The following SARAF variants were observed in gnomAD, a reference collection of about 807,000 sequenced individuals.
SARAF encodes store-operated calcium entry associated regulatory factor.
SARAF carries 23 observed loss-of-function variants against 39.7 expected under a neutral mutation model. The observed-to-expected ratio is 0.58, with a 90% CI of 0.42 to 0.82. The LOEUF is 0.82. SARAF is among the 40% of genes least tolerant of loss of function. The pLI is 0.00. For missense variants in SARAF, 384 were observed against 418.5 expected, an observed-to-expected ratio of 0.92 and a Z score of 0.72; for synonymous variants, 175 against 168.5, an observed-to-expected ratio of 1.04 and a Z score of -0.30.
Position 30,063,664 on chromosome 8 carries a change from T to C in SARAF, c.*224A>G. ...TAATGATCACTTTCAAAAACTGCAA[T>C]ATACATCTGCATGTTACACTGACAT... On this transcript the variant is annotated 3_prime_UTR_variant, in exon 6 of 6. Coordinates refer to ENST00000256255, the MANE Select transcript of SARAF (RefSeq NM_016127.6). The C allele has an allele frequency of 1.8e-6, 1 of 565,188 alleles. No individual in the cohort carries two copies. Among genetic ancestry groups the C allele is most frequent in the Non-Finnish European group, 3.1e-6 (1 of 319,650 alleles). 35.0% of individuals were successfully genotyped at this position (565,188 alleles called of 1,614,324 possible). A position where few individuals can be genotyped will look rare whatever the true frequency, so the allele number is the denominator to read the frequency against.
intron 2 of SARAF, among the ~76,000 whole-genome samples, chr8:30,070,774 A>G (rs950441218): frequency 6.6e-6 from 1 of 152,240 alleles, no homozygotes; most frequent in African/African-American, 2.4e-5. Flanking sequence ...AGCATCATAT[A>G]TGAATGTCTG....
intron 1 of SARAF, among the ~76,000 whole-genome samples, chr8:30,076,453 G>C (rs569445330): frequency 6.6e-5 from 10 of 152,334 alleles, no homozygotes; most frequent in African/African-American, 2.2e-4. Context: ...TCACCCTGTT[G>C]TGAAGTTCAA....
In SARAF at chr8:30,064,534, CATATATAT is replaced by C. The variant is rs71204255; in HGVS notation, c.995-629_995-622del. On this transcript the variant is annotated intron_variant, in intron 5 of 5. Coordinates refer to ENST00000256255, the MANE Select transcript of SARAF (RefSeq NM_016127.6). ...TTTCTGTCATGATGTCTTACCTAGC[CATATATAT>C]ATATATATATATATATATATTTTTT... is the stretch of plus-strand genomic sequence containing the variant. 6.6e-4 allele frequency among the ~76,000 whole-genome samples: 52 copies of C among 78,214 alleles called. 2 individuals carry two copies. Among genetic ancestry groups the C allele is most frequent in the East Asian group, 2.7e-3 (6 of 2,188 alleles). 51.3% of individuals were successfully genotyped at this position (78,214 alleles called of 152,430 possible). A position where few individuals can be genotyped will look rare whatever the true frequency, so the allele number is the denominator to read the frequency against.
chr8:30,067,149 A>C (rs1801709260), intron 3 of SARAF: 12 of 504,900 alleles, frequency 2.4e-5, no homozygotes, highest in South Asian at 2.4e-4. Flanking sequence ...GGGACTGGGG[A>C]GGGTCTTGCT....
intron 5 of SARAF, among the ~76,000 whole-genome samples, chr8:30,064,557 A>ATTTTTTTTTTTTTT (rs1458215350): frequency 1.8e-4 from 9 of 50,656 alleles, no homozygotes; most frequent in Non-Finnish European, 2.3e-4. Flanking sequence ...ATATATATAT[A>ATTTTTTTTTTTTTT]TATATTTTTT....
chr8:30,069,735 G>T lies in SARAF; in HGVS notation c.607C>A (p.Pro203Thr), dbSNP rs1310191619. 1 of 1,614,004 alleles carries T rather than the reference G, an allele frequency of 6.2e-7. No individual in the cohort carries two copies. The highest frequency in any genetic ancestry group is 1.7e-5 in the Admixed American group (1 of 60,002). Residue 203 changes from proline (P) to threonine (T), a missense_variant, in exon 3 of 6, where the codon CCG (proline) becomes ACG (threonine). By Grantham distance (38) the Pro-to-Thr change is conservative. Coordinates refer to ENST00000256255, the MANE Select transcript of SARAF (RefSeq NM_016127.6). The stretch of plus-strand genomic sequence containing the variant: ...GAAAATGGAGGATACTCAGAGTACG[G>T]TGGAGGAGAATACTGCCCGTCACTC... ...FLSDGQYSPP[P>T]YSEYPPFSHR...
intron 2 of SARAF, among the ~76,000 whole-genome samples, chr8:30,072,610 G>T (rs970728836): frequency 1.3e-5 from 2 of 152,274 alleles, no homozygotes; most frequent in East Asian, 3.9e-4. Flanking sequence ...TAGCTTCTAA[G>T]TACTGTATTT....
At chr8:30,075,025 G>T (rs1411338376) in intron 1 of SARAF, among the ~76,000 whole-genome samples, 3 of 152,142 alleles carry the variant, frequency 2.0e-5, no homozygotes, top group Non-Finnish European at 4.4e-5. Context: ...TTTAGGTTGG[G>T]TGTGGTGGCT....
intron 5 of SARAF, among the ~76,000 whole-genome samples, chr8:30,064,337 T>C (rs903948811): frequency 3.0e-5 from 4 of 131,258 alleles, no homozygotes; most frequent in South Asian, 2.3e-4. Flanking sequence ...TAAGACACTG[T>C]GCGCACACAC....
At chr8:30,076,108 A>G (rs531411642) in intron 1 of SARAF, among the ~76,000 whole-genome samples, 3 of 151,840 alleles carry the variant, frequency 2.0e-5, no homozygotes, top group Non-Finnish European at 2.9e-5. Context: ...CCTCTCCCCA[A>G]CTCCACACTG....
chr8:30,076,638 G>A (rs1801972533), intron 1 of SARAF, among the ~76,000 whole-genome samples: 1 of 152,202 alleles, frequency 6.6e-6, no homozygotes, highest in Non-Finnish European at 1.5e-5. Flanking sequence ...CAACAGTGTT[G>A]AAAGATGGAA....
At chr8:30,076,000 A>C (rs1162398651) in intron 1 of SARAF, among the ~76,000 whole-genome samples, 4 of 146,194 alleles carry the variant, frequency 2.7e-5, no homozygotes, top group South Asian at 2.2e-4. Context: ...ACAAAAAAAA[A>C]AAAACAAAAA....
intron 5 of SARAF, among the ~76,000 whole-genome samples, chr8:30,064,561 A>ATATTTTTTTTTTTTTTTTTT (rs1423689069): frequency 2.2e-5 from 1 of 46,236 alleles, no homozygotes; most frequent in Non-Finnish European, 3.4e-5. Context: ...ATATATATAT[A>ATATTTTTTTTTTTTTTTTTT]TTTTTTTTTT....
intron 3 of SARAF, among the ~76,000 whole-genome samples, chr8:30,068,305 C>T (rs2117424083): frequency 6.6e-6 from 1 of 152,254 alleles, no homozygotes; most frequent in South Asian, 2.1e-4. Context: ...GGAGCACAAA[C>T]CCTACTGTGA....
At chr8:30,078,982 C>T (rs1802038092) in intron 1 of SARAF, among the ~76,000 whole-genome samples, 1 of 151,860 alleles carries the variant, frequency 6.6e-6, no homozygotes, top group Non-Finnish European at 1.5e-5. Flanking sequence ...CATGGTGAAA[C>T]CCCATCTCTA....
intron 1 of SARAF, among the ~76,000 whole-genome samples, chr8:30,075,663 G>A (rs981294030): frequency 6.6e-6 from 1 of 152,086 alleles, no homozygotes; most frequent in African/African-American, 2.4e-5. Context: ...AGCTTGACAT[G>A]AACAATCTAT....
intron 1 of SARAF, among the ~76,000 whole-genome samples, chr8:30,080,112 A>G (rs1362503602): frequency 6.6e-6 from 1 of 152,140 alleles, no homozygotes; most frequent in Non-Finnish European, 1.5e-5. Flanking sequence ...CCTACATCTG[A>G]TCCTTCAGAA....
At chr8:30,075,406 C>T (rs553613103) in intron 1 of SARAF, among the ~76,000 whole-genome samples, 1 of 152,252 alleles carries the variant, frequency 6.6e-6, no homozygotes, top group South Asian at 2.1e-4. Context: ...TGGATTGGCT[C>T]AGTCAACATC....
chr8:30,064,636 C>T (rs183429517), intron 5 of SARAF, among the ~76,000 whole-genome samples: 2 of 141,222 alleles, frequency 1.4e-5, no homozygotes, highest in East Asian at 4.3e-4. Flanking sequence ...AATCTCGGCT[C>T]ACTGCAACTT....
Sources: allele counts gnomAD v4.1 joint callset (sites outside exome capture counted in the v4.1 genomes callset), GRCh38; gene constraint gnomAD v4.1.1; transcripts MANE v1.5; gene names NCBI Gene and HGNC (gene_info 2026-07-23, HGNC 2026-07-21).